PTPN9: variants seen among roughly 807,000 people sequenced by gnomAD.
PTPN9 encodes the protein protein tyrosine phosphatase non-receptor type 9.
In PTPN9, 26 loss-of-function variants were observed where a neutral mutation model predicts 69.8. The ratio of observed to expected loss-of-function variants is 0.37; its 90% confidence interval spans 0.27 to 0.52. The LOEUF (loss-of-function observed/expected upper bound fraction) is 0.52, where lower values mean the gene tolerates loss of function less well. PTPN9 is among the 20% of genes least tolerant of loss of function. The pLI is 0.91. For missense variants in PTPN9, 549 were observed against 740.3 expected (o/e 0.74, Z 3.00); for synonymous variants, 274 against 272.5 (o/e 1.01, Z -0.05).
intron 1 of PTPN9, among the ~76,000 whole-genome samples, chr15:75,537,308 TGCCATTGCACTCCA>T (rs983431993): frequency 3.1e-5 from 4 of 130,238 alleles, no homozygotes; most frequent in African/African-American, 1.2e-4. Flanking sequence ...GCCGAGATCA[TGCCATTGCACTCCA>T]GCCTGGGTGA....
rs148003593 is a variant in PTPN9, at chr15:75,463,504, G to A, written c.*5265C>T. The A allele has an allele frequency of 2.6e-4, 39 of 152,244 alleles. No homozygotes were observed. Among genetic ancestry groups the A allele is most frequent in the African/African-American group, 9.4e-4 (39 of 41,552 alleles). 9.4% of individuals were successfully genotyped at this position (152,244 alleles called of 1,614,324 possible). A position where few individuals can be genotyped will look rare whatever the true frequency, so the allele number is the denominator to read the frequency against. ...CCGTTTTTTCCAACACCCCCAGCTAGGATTCTAGTGGAGTTAGCTATGTCC... is the reference window on the plus strand; with the variant it reads ...CCGTTTTTTCCAACACCCCCAGCTAAGATTCTAGTGGAGTTAGCTATGTCC... On this transcript the variant is annotated 3_prime_UTR_variant, in exon 13 of 13. Coordinates refer to ENST00000618819, the MANE Select transcript of PTPN9 (RefSeq NM_002833.4).
At chr15:75,469,462 C>G (rs1038324348) in intron 12 of PTPN9, among the ~76,000 whole-genome samples, 2 of 152,214 alleles carry the variant, frequency 1.3e-5, no homozygotes, top group African/African-American at 4.8e-5. Flanking sequence ...GGTGGGGAGT[C>G]CCTCCAGGGA....
chr15:75,519,211 C>CA (rs2074889154), intron 4 of PTPN9, among the ~76,000 whole-genome samples: 2 of 152,198 alleles, frequency 1.3e-5, no homozygotes, highest in African/African-American at 4.8e-5. Context: ...CGGGTTCAAG[C>CA]AATTCTTCTG....
At position 75,527,140 on chromosome 15, in the gene PTPN9, A is replaced by T; in HGVS notation, c.185T>A (p.Ile62Lys). ...MARKFDVLRA[I>K]ELFHSYRETR... is the part of the protein sequence containing the mutation. ...TACTCTGTAGGAGTGGAACAATTCTATGGCACGGAGCACATCAAACTTCCT... is the reference window on the plus strand; with the variant it reads ...TACTCTGTAGGAGTGGAACAATTCTTTGGCACGGAGCACATCAAACTTCCT... Residue 62 changes from isoleucine (I) to lysine (K), a missense_variant, in exon 2 of 13, where the codon ATA becomes AAA. By Grantham distance (102) the Ile-to-Lys change is moderately radical. Transcript: ENST00000618819. 1 of 1,614,140 alleles carries T rather than the reference A, an allele frequency of 6.2e-7. No homozygotes were observed. Among genetic ancestry groups the T allele is most frequent in the Non-Finnish European group, 8.5e-7 (1 of 1,180,020 alleles).
At chr15:75,482,879 C>T (rs1293764704) in intron 8 of PTPN9, among the ~76,000 whole-genome samples, 4 of 151,838 alleles carry the variant, frequency 2.6e-5, no homozygotes, top group East Asian at 1.9e-4. Context: ...GGCATAAACC[C>T]GGGAGATGGA....
intron 1 of PTPN9, among the ~76,000 whole-genome samples, chr15:75,533,246 C>T (rs1248465673): frequency 1.3e-5 from 2 of 152,102 alleles, no homozygotes; most frequent in Non-Finnish European, 2.9e-5. Flanking sequence ...ACCAGTTTTT[C>T]AGGTAAGGGT....
intron 7 of PTPN9, among the ~76,000 whole-genome samples, chr15:75,494,875 T>C (rs2074731070): frequency 6.6e-6 from 1 of 151,576 alleles, no homozygotes; most frequent in Non-Finnish European, 1.5e-5. Flanking sequence ...AATACAAAAA[T>C]TAGCCAGGCA....
Position 75,469,995 on chromosome 15 carries a change from C to T in PTPN9, c.1364G>A (p.Arg455Gln), listed in dbSNP as rs751926493. The part of the protein sequence containing the change: ...TTLEIHNTEE[R>Q]QKRQVTHFQF... ...GAAGTGGGTCACCTGGCGTTTCTGCCGTTCCTTAGATAAGAAAAGAAGTAA... is the reference window on the plus strand; with the variant it reads ...GAAGTGGGTCACCTGGCGTTTCTGCTGTTCCTTAGATAAGAAAAGAAGTAA... Residue 455 changes from arginine to glutamine, a missense_variant, in exon 12 of 13, where the codon CGG becomes CAG. This residue lies in a region of PTPN9 where 457 missense variants were observed against 661.9 expected (regional missense o/e 0.69). Transcript: ENST00000618819. 2.4e-5 allele frequency: 39 copies of T among 1,609,776 alleles called. No homozygotes were observed. The highest frequency in any genetic ancestry group is 5.3e-5 in the African/African-American group (4 of 74,816).
chr15:75,567,161 G>T lies in PTPN9; in HGVS notation c.63+11553C>A, dbSNP rs556025047. Among the ~76,000 whole-genome samples the T allele has an allele frequency of 6.6e-5, 10 of 151,920 alleles. No homozygotes were observed. In the South Asian group the frequency reaches 1.7e-3, roughly 25 times the overall value. On this transcript the variant is annotated intron_variant, in intron 1 of 12. Coordinates refer to ENST00000618819, the MANE Select transcript of PTPN9 (RefSeq NM_002833.4). ...CTCTGGAGTAGCTGCAATTACAGGC[G>T]TACACCACCATGCCTGGCTAATTTC...
intron 7 of PTPN9, among the ~76,000 whole-genome samples, chr15:75,491,434 CAG>C (rs1028065329): frequency 1.3e-5 from 2 of 150,262 alleles, no homozygotes; most frequent in Non-Finnish European, 3.0e-5. Context: ...AATTTAAAAA[CAG>C]AGAGAAGGAG....
At position 75,505,796 on chromosome 15, in the gene PTPN9, G is replaced by C; in HGVS notation, c.847C>G (p.Pro283Ala). 6.2e-7 allele frequency: 1 copy of C among 1,614,080 alleles called. No homozygotes were observed. The highest frequency in any genetic ancestry group is 8.5e-7 in the Non-Finnish European group (1 of 1,179,962). ...LDWDSVHVPG[P>A]HAMTIQELVD... ...AACTCTTGGATGGTCATAGCATGGG[G>C]ACCTGGAACATGTACTGAGTCCCAG... The change falls in exon 7 of 13, where the codon CCC becomes GCC. Residue 283 changes from proline to alanine, a missense_variant. Pro to Ala is a conservative substitution (Grantham distance 27). This residue lies in a region of PTPN9 where 457 missense variants were observed against 661.9 expected (regional missense o/e 0.69). Transcript: ENST00000618819.
At chr15:75,566,604 A>G (rs1208364466) in intron 1 of PTPN9, among the ~76,000 whole-genome samples, 1 of 151,930 alleles carries the variant, frequency 6.6e-6, no homozygotes, top group Non-Finnish European at 1.5e-5. Context: ...GCTTGAAGCC[A>G]GGAGGCGGAG....
chr15:75,516,304 T>G lies in PTPN9; in HGVS notation c.528+955A>C, dbSNP rs1026565624. On this transcript the variant is annotated intron_variant, in intron 5 of 12. Coordinates refer to ENST00000618819, the MANE Select transcript of PTPN9 (RefSeq NM_002833.4). ...GCAGGAAATTTATGTATGTTTCTTC[T>G]TTTTTTTTTTTTTTTTTGAGACGAA... Among the ~76,000 whole-genome samples, 7 of 103,334 alleles carry G rather than the reference T, an allele frequency of 6.8e-5. No individual in the cohort carries two copies. In the East Asian group the frequency reaches 1.0e-3, roughly 15 times the overall value. The allele number at this position is 103,334 out of a possible 152,430, so 67.8% of individuals were successfully genotyped here. A position where few individuals can be genotyped will look rare whatever the true frequency, so the allele number is the denominator to read the frequency against.
At chr15:75,510,747 C>T (rs1294035194) in intron 5 of PTPN9, among the ~76,000 whole-genome samples, 1 of 151,814 alleles carries the variant, frequency 6.6e-6, no homozygotes, top group Admixed American at 6.6e-5. Context: ...ACCTTTTAAA[C>T]CATTTTAAGT....
rs780298326 is a variant in PTPN9 at position 75,468,122 on chromosome 15, G to A, written c.*647C>T. On this transcript the variant is annotated 3_prime_UTR_variant, in exon 13 of 13. Coordinates refer to ENST00000618819, the MANE Select transcript of PTPN9 (RefSeq NM_002833.4). ...AGCAAGGAGTCCTGAACTGCAACAC[G>A]GAGCCCCAGGAACTTCTGGAAAGGA... The A allele has an allele frequency of 1.3e-5, 2 of 152,562 alleles. No individual in the cohort carries two copies. Among genetic ancestry groups the A allele is most frequent in the Admixed American group, 6.6e-5 (1 of 15,264 alleles). The allele number at this position is 152,562 out of a possible 1,614,324, so 9.5% of individuals were successfully genotyped here. A position where few individuals can be genotyped will look rare whatever the true frequency, so the allele number is the denominator to read the frequency against.
At chr15:75,521,008 G>C (rs2074902250) in intron 4 of PTPN9, among the ~76,000 whole-genome samples, 1 of 151,776 alleles carries the variant, frequency 6.6e-6, no homozygotes, top group Admixed American at 6.6e-5. Context: ...CACCATGCCT[G>C]GCTGCCTAAT....
chr15:75,562,627 C>T (rs191606502), intron 1 of PTPN9, among the ~76,000 whole-genome samples: 2,035 of 151,902 alleles, frequency 0.013, 20 homozygotes, highest in Non-Finnish European at 0.019. Context: ...GTCAGGAGAT[C>T]GAGACCATCC....
At position 75,468,652 on chromosome 15, in the gene PTPN9, G is replaced by A; in HGVS notation, c.*117C>T. Reference sequence around the variant, plus strand: ...CCTTGCGTGCACACGTGTGCTGGGAGACACAAGAAAGAAGTTGATCCATGG... The same window carrying A: ...CCTTGCGTGCACACGTGTGCTGGGAAACACAAGAAAGAAGTTGATCCATGG... On this transcript the variant is annotated 3_prime_UTR_variant, in exon 13 of 13. Transcript: ENST00000618819. The A allele has an allele frequency of 1.1e-6, 1 of 895,338 alleles. No individual in the cohort carries two copies. Among genetic ancestry groups the A allele is most frequent in the South Asian group, 1.6e-5 (1 of 63,222 alleles). The allele number at this position is 895,338 out of a possible 1,614,324, so 55.5% of individuals were successfully genotyped here.
chr15:75,576,670 T>G (rs961607917), intron 1 of PTPN9, among the ~76,000 whole-genome samples: 22 of 151,268 alleles, frequency 1.5e-4, no homozygotes, highest in African/African-American at 5.1e-4. Context: ...TAGCTGGGCA[T>G]GGTGGCAGGC....
Sources: allele counts gnomAD v4.1 joint callset (sites outside exome capture counted in the v4.1 genomes callset), GRCh38; gene constraint gnomAD v4.1.1; regional missense constraint gnomAD v4.1.1; transcripts MANE v1.5; gene names NCBI Gene and HGNC (gene_info 2026-07-23, HGNC 2026-07-21).